WDPCP: variants seen among roughly 807,000 people sequenced by gnomAD.
WDPCP encodes the protein WD repeat containing planar cell polarity effector.
Under a neutral mutation model 93.1 loss-of-function variants are expected in WDPCP, and 71 were observed. That is an observed-to-expected ratio of 0.76 (90% CI 0.63 to 0.93). The LOEUF (loss-of-function observed/expected upper bound fraction) is 0.93, where lower values mean the gene tolerates loss of function less well. Among genes scored for constraint, WDPCP ranks in the 40% least tolerant of loss-of-function variants. The pLI, the probability that WDPCP is intolerant of heterozygous loss-of-function variation, is 0.00. For missense variants in WDPCP, 844 were observed against 887.4 expected (o/e 0.95, Z 0.62); for synonymous variants, 315 against 315.0 (o/e 1.00, Z 0.00).
chr2:63,422,815 A>G (rs1695970267), intron 9 of WDPCP, among the ~76,000 whole-genome samples: 1 of 152,242 alleles, frequency 6.6e-6, no homozygotes, highest in Non-Finnish European at 1.5e-5. Flanking sequence ...ACCAAACATG[A>G]ATATGCAAGC....
chr2:63,836,250 C>T, the WDPCP span, among the ~76,000 whole-genome samples: 1 of 152,206 alleles, frequency 6.6e-6, no homozygotes, highest in African/African-American at 2.4e-5. Flanking sequence ...GTTCTTTATC[C>T]TTTCCTTTCC....
chr2:63,563,421 G>C (rs4671516), intron 1 of WDPCP, among the ~76,000 whole-genome samples: 1 of 151,772 alleles, frequency 6.6e-6, no homozygotes, highest in East Asian at 1.9e-4. Context: ...TCACTGATTA[G>C]AGGTTCTTCA....
intron 2 of WDPCP, among the ~76,000 whole-genome samples, chr2:63,731,055 G>A (rs1669553790): frequency 6.6e-6 from 1 of 152,110 alleles, no homozygotes; most frequent in African/African-American, 2.4e-5. Context: ...CGGATCACGA[G>A]GTCAGGAGAT....
At chr2:63,713,560 T>C (rs1669292234) in intron 2 of WDPCP, among the ~76,000 whole-genome samples, 3 of 152,346 alleles carry the variant, frequency 2.0e-5, no homozygotes, top group South Asian at 2.1e-4. Flanking sequence ...TTAATCTTCA[T>C]ACCAATTTAC....
chr2:63,259,434 G>T (rs750956894), intron 13 of WDPCP, 25 bp from the exon 14 acceptor site: 1 of 1,577,750 alleles, frequency 6.3e-7, no homozygotes, highest in Non-Finnish European at 8.7e-7. Flanking sequence ...CAAAATAAAA[G>T]ATTGATTCAA....
At chr2:63,337,172 G>A (rs1379598948) in intron 12 of WDPCP, among the ~76,000 whole-genome samples, 1 of 152,252 alleles carries the variant, frequency 6.6e-6, no homozygotes, top group African/African-American at 2.4e-5. Context: ...GATTACAGGC[G>A]TGAGCCACTG....
At chr2:63,409,492 T>C (rs1332859358) in intron 9 of WDPCP, among the ~76,000 whole-genome samples, 3 of 152,118 alleles carry the variant, frequency 2.0e-5, no homozygotes, top group Non-Finnish European at 4.4e-5. Context: ...AACAAGGCTC[T>C]TTAGTACCCC....
chr2:63,205,069 A>G (rs1232706678), intron 14 of WDPCP, among the ~76,000 whole-genome samples: 3 of 152,190 alleles, frequency 2.0e-5, no homozygotes, highest in Admixed American at 2.0e-4. Flanking sequence ...ATGGATATCC[A>G]GTTTTCCCAG....
intron 10 of WDPCP, among the ~76,000 whole-genome samples, chr2:63,393,336 G>A (rs1196156359): frequency 1.3e-5 from 2 of 151,962 alleles, no homozygotes; most frequent in South Asian, 2.1e-4. Context: ...ACTGAACAAT[G>A]AGAACACTTG....
At chr2:63,835,389 C>CAAAAAAAAAA in the WDPCP span, among the ~76,000 whole-genome samples, 42 of 42,154 alleles carry the variant, frequency 1.0e-3, no homozygotes, top group South Asian at 1.7e-3. Context: ...GACTCCATCT[C>CAAAAAAAAAA]AAAAAAAAAA....
chr2:63,361,159 A>G (rs1479084798), intron 12 of WDPCP, among the ~76,000 whole-genome samples: 1 of 152,238 alleles, frequency 6.6e-6, no homozygotes, highest in Non-Finnish European at 1.5e-5. Context: ...GTTAGAACAG[A>G]TTAAAGTTCT....
In WDPCP at chr2:63,575,450, GTATATACAGTATATATGCAGTA is replaced by G. The variant is rs1558832663; in HGVS notation, c.75+12725_75+12746del. Among the ~76,000 whole-genome samples the G allele has an allele frequency of 4.9e-5, 2 of 40,964 alleles. 1 individual carries two copies. Among genetic ancestry groups the G allele is most frequent in the African/African-American group, 3.3e-4 (2 of 6,062 alleles). The allele number at this position is 40,964 out of a possible 152,430, so 26.9% of individuals were successfully genotyped here. A position where few individuals can be genotyped will look rare whatever the true frequency, so the allele number is the denominator to read the frequency against. ...ACAGTGTATATACAGTGTATACACTGTATATACAGTATATATGCAGTATATACAGTGTATATATAGTATATAC... is the reference window on the plus strand; with the variant it reads ...ACAGTGTATATACAGTGTATACACTGTATACAGTGTATATATAGTATATAC... On this transcript the variant is annotated intron_variant, in intron 1 of 17. Coordinates refer to ENST00000272321, the MANE Select transcript of WDPCP (RefSeq NM_015910.7).
At chr2:63,391,899 T>C (rs530437904) in intron 10 of WDPCP, among the ~76,000 whole-genome samples, 8 of 152,136 alleles carry the variant, frequency 5.3e-5, no homozygotes, top group Non-Finnish European at 1.2e-4. Flanking sequence ...CACAAACAAA[T>C]GGAAGAACAT....
intron 15 of WDPCP, among the ~76,000 whole-genome samples, chr2:63,167,692 T>G (rs1027766625): frequency 1.3e-5 from 2 of 152,206 alleles, no homozygotes; most frequent in African/African-American, 4.8e-5. Flanking sequence ...AGTCCATGAA[T>G]TCTTAGGAAG....
At position 63,686,488 on chromosome 2, in the gene WDPCP, T is replaced by C. The variant is rs1668805420; in HGVS notation, n.309-35650A>G. ...ATCTCATGTTCATGGGTTGCAAAAA[T>C]CAGTATTGTTAAAATGTCCTACTAC... is the stretch of plus-strand genomic sequence containing the variant. On this transcript the variant is annotated intron_variant and non_coding_transcript_variant, in intron 2 of 4. Coordinates refer to the WDPCP transcript ENST00000467687. 2.0e-5 allele frequency among the ~76,000 whole-genome samples: 3 copies of C among 152,232 alleles called. No homozygotes were observed. The South Asian group carries it at 6.2e-4, about 32-fold the overall frequency.
At chr2:63,212,279 C>A (rs2104417537) in intron 14 of WDPCP, among the ~76,000 whole-genome samples, 1 of 152,318 alleles carries the variant, frequency 6.6e-6, no homozygotes, top group Middle Eastern at 3.4e-3. Context: ...TTCACAGAAA[C>A]TCTACAAGCC....
intron 1 of WDPCP, among the ~76,000 whole-genome samples, chr2:63,567,105 C>T (rs2106447367): frequency 6.6e-6 from 1 of 152,294 alleles, no homozygotes; most frequent in South Asian, 2.1e-4. Context: ...TGTTCACCAA[C>T]CCAGAAGCTC....
rs1361609964 is a variant in WDPCP at position 63,575,439 on chromosome 2, G to C, written c.75+12758C>G. Among the ~76,000 whole-genome samples, 14 of 92,008 alleles carry C rather than the reference G, an allele frequency of 1.5e-4. 1 individual carries two copies. The highest frequency in any genetic ancestry group is 9.1e-4 in the East Asian group (3 of 3,288). The allele number at this position is 92,008 out of a possible 152,430, so 60.4% of individuals were successfully genotyped here. A position where few individuals can be genotyped will look rare whatever the true frequency, so the allele number is the denominator to read the frequency against. Reference sequence around the variant, plus strand: ...ATACACTGTATACAGTGTATATACAGTGTATACACTGTATATACAGTATAT... The same window carrying C: ...ATACACTGTATACAGTGTATATACACTGTATACACTGTATATACAGTATAT... On this transcript the variant is annotated intron_variant, in intron 1 of 17. Coordinates refer to ENST00000272321, the MANE Select transcript of WDPCP (RefSeq NM_015910.7).
chr2:63,418,328 G>A (rs1695582824), intron 9 of WDPCP, among the ~76,000 whole-genome samples: 1 of 152,142 alleles, frequency 6.6e-6, no homozygotes, highest in African/African-American at 2.4e-5. Flanking sequence ...TATATGGTGT[G>A]TAATGAAGGG....
Sources: allele counts gnomAD v4.1 joint callset (sites outside exome capture counted in the v4.1 genomes callset), GRCh38; gene constraint gnomAD v4.1.1; transcripts MANE v1.5; gene names NCBI Gene and HGNC (gene_info 2026-07-23, HGNC 2026-07-21).